The following LRRC4C variants were observed in gnomAD, a reference collection of about 807,000 sequenced individuals.
The protein encoded by LRRC4C is leucine rich repeat containing 4C.
Under a neutral mutation model 33.6 loss-of-function variants are expected in LRRC4C, and 5 were observed. The observed-to-expected ratio is 0.15, with a 90% CI of 0.08 to 0.31. The LOEUF (loss-of-function observed/expected upper bound fraction) is 0.31. Ranked by LOEUF, LRRC4C falls within the 10% of genes least tolerant of loss-of-function variation. LRRC4C has a pLI of 1.00. For synonymous variants in LRRC4C, 329 were observed against 302.0 expected, an observed-to-expected ratio of 1.09 and a Z score of -0.93; for missense variants, 560 against 796.7, an observed-to-expected ratio of 0.70 and a Z score of 3.58.
At chr11:40,841,359 T>A (rs888774575) in intron 2 of LRRC4C, among the ~76,000 whole-genome samples, 8 of 152,160 alleles carry the variant, frequency 5.3e-5, no homozygotes, top group Non-Finnish European at 1.0e-4. Flanking sequence ...CGCATACCCC[T>A]TCTCTCCCCA....
chr11:41,053,596 T>A (rs1858411811), intron 1 of LRRC4C, among the ~76,000 whole-genome samples: 1 of 152,186 alleles, frequency 6.6e-6, no homozygotes. Context: ...GCTAATTTTT[T>A]GGTAATATTA....
chr11:40,902,857 A>AG (rs1565185547), intron 2 of LRRC4C, among the ~76,000 whole-genome samples: 1 of 152,154 alleles, frequency 6.6e-6, no homozygotes, highest in African/African-American at 2.4e-5. Flanking sequence ...AGTTTGGTCT[A>AG]GGGGGTTTGA....
intron 3 of LRRC4C, among the ~76,000 whole-genome samples, chr11:40,539,030 G>A (rs1186315980): frequency 2.0e-5 from 3 of 152,116 alleles, no homozygotes; most frequent in Middle Eastern, 3.4e-3. Context: ...TGTAGATTCT[G>A]GATATTAGCC....
intron 3 of LRRC4C, among the ~76,000 whole-genome samples, chr11:40,381,869 C>T (rs1339730755): frequency 6.6e-6 from 1 of 151,552 alleles, no homozygotes; most frequent in East Asian, 1.9e-4. Context: ...ATAATCAATT[C>T]CTGACTCTTA....
intron 1 of LRRC4C, among the ~76,000 whole-genome samples, chr11:41,171,259 T>C (rs527643305): frequency 1.3e-5 from 2 of 152,260 alleles, no homozygotes; most frequent in South Asian, 2.1e-4. Flanking sequence ...ACTGGGTATA[T>C]ACCCAAAGGA....
intron 3 of LRRC4C, among the ~76,000 whole-genome samples, chr11:40,387,201 G>A (rs1949145587): frequency 6.6e-6 from 1 of 151,656 alleles, no homozygotes; most frequent in Admixed American, 6.6e-5. Flanking sequence ...TATATATACT[G>A]GTATATAATG....
At chr11:40,800,799 T>C (rs1471184472) in intron 2 of LRRC4C, among the ~76,000 whole-genome samples, 1 of 152,188 alleles carries the variant, frequency 6.6e-6, no homozygotes, top group Non-Finnish European at 1.5e-5. Context: ...CTTTTTCAGA[T>C]ACTTTCATTG....
intron 1 of LRRC4C, among the ~76,000 whole-genome samples, chr11:41,187,681 G>A (rs1260330170): frequency 6.6e-6 from 1 of 152,214 alleles, no homozygotes; most frequent in Non-Finnish European, 1.5e-5. Flanking sequence ...GTCTAATAGA[G>A]CTGATTAGCA....
chr11:41,028,250 G>C (rs545139521), intron 1 of LRRC4C, among the ~76,000 whole-genome samples: 51 of 151,202 alleles, frequency 3.4e-4, no homozygotes, highest in African/African-American at 1.1e-3. Context: ...ATTCAGATAA[G>C]CAAATATCAA....
chr11:41,329,359 A>C, intron 1 of LRRC4C, among the ~76,000 whole-genome samples: 1 of 152,190 alleles, frequency 6.6e-6, no homozygotes, highest in Admixed American at 6.5e-5. Flanking sequence ...ATCCATGTGG[A>C]GACACAGATG....
intron 1 of LRRC4C, among the ~76,000 whole-genome samples, chr11:41,092,462 T>C (rs1165397491): frequency 6.6e-6 from 1 of 152,190 alleles, no homozygotes; most frequent in Non-Finnish European, 1.5e-5. Context: ...CAACTATTTG[T>C]ACAGTGAATG....
At chr11:40,269,590 C>T (rs1942535359) in intron 4 of LRRC4C, among the ~76,000 whole-genome samples, 1 of 152,088 alleles carries the variant, frequency 6.6e-6, no homozygotes, top group South Asian at 2.1e-4. Flanking sequence ...CACCACTCCC[C>T]TACAATGACA....
chr11:40,511,836 T>C (rs1955331156), intron 3 of LRRC4C, among the ~76,000 whole-genome samples: 1 of 152,192 alleles, frequency 6.6e-6, no homozygotes, highest in African/African-American at 2.4e-5. Flanking sequence ...CTGAGGCCTT[T>C]CCATCAGTAA....
chr11:40,625,868 CA>C (rs1962879336), intron 3 of LRRC4C, among the ~76,000 whole-genome samples: 1 of 152,072 alleles, frequency 6.6e-6, no homozygotes, highest in African/African-American at 2.4e-5. Flanking sequence ...TAGATTACTT[CA>C]ATATTCTCCT....
intron 1 of LRRC4C, among the ~76,000 whole-genome samples, chr11:41,151,409 G>A (rs1209029443): frequency 6.6e-6 from 1 of 152,212 alleles, no homozygotes; most frequent in Non-Finnish European, 1.5e-5. Flanking sequence ...CTGACTCAAG[G>A]TGAAGTGGCC....
At chr11:41,010,029 A>G (rs1393423702) in intron 1 of LRRC4C, among the ~76,000 whole-genome samples, 2 of 152,158 alleles carry the variant, frequency 1.3e-5, no homozygotes, top group Non-Finnish European at 2.9e-5. Context: ...GGAGAAAGTC[A>G]TGTGACTATA....
intron 1 of LRRC4C, among the ~76,000 whole-genome samples, chr11:41,456,912 C>G (rs1956186741): frequency 6.6e-6 from 1 of 152,128 alleles, no homozygotes; most frequent in African/African-American, 2.4e-5. Context: ...CAAACACCAT[C>G]AGGAACCCTT....
At chr11:41,365,138 C>G (rs1191697276) in intron 1 of LRRC4C, among the ~76,000 whole-genome samples, 2 of 152,054 alleles carry the variant, frequency 1.3e-5, no homozygotes, top group African/African-American at 2.4e-5. Context: ...ACAGCCATCC[C>G]CATTGCTAGC....
intron 1 of LRRC4C, among the ~76,000 whole-genome samples, chr11:41,332,510 G>C (rs1169101070): frequency 2.6e-5 from 4 of 152,030 alleles, no homozygotes; most frequent in African/African-American, 9.7e-5. Flanking sequence ...TGCCAGAAAG[G>C]AAACTCCTAA....
Sources: gnomAD v4.1 joint callset for allele counts (sites outside exome capture counted in the v4.1 genomes callset) on GRCh38, gnomAD v4.1.1 for gene constraint, MANE v1.5 for transcripts, NCBI Gene and HGNC (gene_info 2026-07-23, HGNC 2026-07-21) for gene names.